The following ZNF407 variants were observed in gnomAD, a reference collection of about 807,000 sequenced individuals.
The protein encoded by ZNF407 is zinc finger protein 407.
Under a neutral mutation model 131.2 loss-of-function variants are expected in ZNF407, and 17 were observed. The observed-to-expected ratio is 0.13, with a 90% CI of 0.09 to 0.19. The LOEUF is 0.19. ZNF407 is among the 10% of genes least tolerant of loss of function. The pLI is 1.00. For synonymous variants in ZNF407, 1,156 were observed against 1,062.0 expected (o/e 1.09, Z -1.72); for missense variants, 2,681 against 2,830.6 (o/e 0.95, Z 1.20).
At chr18:74,625,622 A>G (rs867482760) in intron 1 of ZNF407, among the ~76,000 whole-genome samples, 1 of 152,208 alleles carries the variant, frequency 6.6e-6, no homozygotes, top group African/African-American at 2.4e-5. Context: ...ATATAGACAT[A>G]TACAAAAGTT....
At chr18:74,731,775 G>C (rs1373742534) in intron 3 of ZNF407, among the ~76,000 whole-genome samples, 1 of 152,130 alleles carries the variant, frequency 6.6e-6, no homozygotes, top group Non-Finnish European at 1.5e-5. Context: ...AGGATCCCTG[G>C]GGTGGGGAGG....
At chr18:74,710,698 GC>G (rs1327494237) in intron 3 of ZNF407, among the ~76,000 whole-genome samples, 2 of 152,068 alleles carry the variant, frequency 1.3e-5, no homozygotes, top group Non-Finnish European at 2.9e-5. Context: ...TAATAAGAAT[GC>G]TTTTTTTTCT....
At chr18:74,685,736 T>G (rs568743599) in intron 3 of ZNF407, among the ~76,000 whole-genome samples, 5 of 152,278 alleles carry the variant, frequency 3.3e-5, no homozygotes, top group Non-Finnish European at 7.4e-5. Context: ...GTGCTCTCCA[T>G]CCATGTGGCT....
chr18:74,909,996 G>A (rs1258016969), intron 7 of ZNF407, among the ~76,000 whole-genome samples: 2 of 152,148 alleles, frequency 1.3e-5, no homozygotes, highest in African/African-American at 4.8e-5. Flanking sequence ...TAGAGTGATT[G>A]GTTATAATGT....
chr18:74,966,820 C>T (rs759315170), intron 8 of ZNF407, among the ~76,000 whole-genome samples: 37 of 151,972 alleles, frequency 2.4e-4, no homozygotes, highest in Non-Finnish European at 2.4e-4. Context: ...TTTTTGATGT[C>T]CTCTTCAATT....
intron 8 of ZNF407, among the ~76,000 whole-genome samples, chr18:75,035,017 G>T (rs1323516704): frequency 3.3e-5 from 5 of 152,216 alleles, no homozygotes; most frequent in Admixed American, 3.3e-4. Flanking sequence ...ACTCATGAAA[G>T]AAAGATGGAA....
At chr18:74,623,127 T>A (rs1983617421) in intron 1 of ZNF407, among the ~76,000 whole-genome samples, 1 of 93,590 alleles carries the variant, frequency 1.1e-5, no homozygotes, top group Non-Finnish European at 2.3e-5. Context: ...TCAGTGTGAC[T>A]GTGTGTGTGT....
At chr18:74,788,474 C>G (rs11661032) in intron 4 of ZNF407, among the ~76,000 whole-genome samples, 1 of 151,934 alleles carries the variant, frequency 6.6e-6, no homozygotes, top group Non-Finnish European at 1.5e-5. Flanking sequence ...ACGCTTGCTT[C>G]TAAAGTTTGC....
At chr18:74,962,711 C>T (rs997261213) in intron 8 of ZNF407, among the ~76,000 whole-genome samples, 6 of 152,222 alleles carry the variant, frequency 3.9e-5, no homozygotes, top group Admixed American at 2.0e-4. Context: ...GAAGCTGAGC[C>T]GCTCTGATTC....
At chr18:74,783,180 A>G (rs1458272368) in intron 4 of ZNF407, among the ~76,000 whole-genome samples, 4 of 152,140 alleles carry the variant, frequency 2.6e-5, no homozygotes, top group Non-Finnish European at 5.9e-5. Flanking sequence ...TTCCAGTTTT[A>G]TAGATCTAAG....
In ZNF407 at chr18:74,703,939, G is replaced by A. The variant is rs1435002750; in HGVS notation, c.4802+62817G>A. ...TTATAATATTTTTGTTGGACCACTG[G>A]AAGGATCTCTTTTTTTTTATTTTTT... On this transcript the variant is annotated intron_variant, in intron 3 of 8. Coordinates refer to ENST00000299687, the MANE Select transcript of ZNF407 (RefSeq NM_017757.3). The surrounding 1 kb of genome is among the most constrained non-coding windows in gnomAD (Gnocchi z 4.1). Among the ~76,000 whole-genome samples the A allele has an allele frequency of 6.6e-6, 1 of 151,370 alleles. No homozygotes were observed. The highest frequency in any genetic ancestry group is 1.5e-5 in the Non-Finnish European group (1 of 67,964).
At chr18:74,821,839 A>G (rs1302807471) in intron 4 of ZNF407, among the ~76,000 whole-genome samples, 3 of 152,148 alleles carry the variant, frequency 2.0e-5, no homozygotes, top group Non-Finnish European at 4.4e-5. Flanking sequence ...CCTTGAGGAA[A>G]TGCCACACTG....
chr18:74,913,858 A>G (rs1048263379), intron 7 of ZNF407, among the ~76,000 whole-genome samples: 1 of 152,158 alleles, frequency 6.6e-6, no homozygotes, highest in African/African-American at 2.4e-5. Flanking sequence ...GGAGTTCTAG[A>G]AGTACTTGTG....
chr18:74,897,399 C>T (rs1971466594), intron 7 of ZNF407, among the ~76,000 whole-genome samples: 1 of 152,164 alleles, frequency 6.6e-6, no homozygotes, highest in South Asian at 2.1e-4. Flanking sequence ...TCATTTTGAA[C>T]ACAAAGTGAC....
chr18:74,801,628 A>G (rs1970020963), intron 4 of ZNF407, among the ~76,000 whole-genome samples: 1 of 152,190 alleles, frequency 6.6e-6, no homozygotes, highest in Non-Finnish European at 1.5e-5. Flanking sequence ...TATTGTTTTG[A>G]TCAGAATTTC....
At chr18:74,765,939 A>G (rs1248261617) in intron 3 of ZNF407, among the ~76,000 whole-genome samples, 2 of 151,610 alleles carry the variant, frequency 1.3e-5, no homozygotes, top group Non-Finnish European at 2.9e-5. Flanking sequence ...TGATTACTCT[A>G]TCTTCTAAAC....
intron 3 of ZNF407, among the ~76,000 whole-genome samples, chr18:74,736,272 A>G (rs1033907348): frequency 1.3e-5 from 2 of 152,126 alleles, no homozygotes; most frequent in African/African-American, 4.8e-5. Context: ...ATAGCAAAAT[A>G]TTTTAGGTAG....
rs1008835564 is a variant in ZNF407 at position 74,844,783 on chromosome 18, C to G, written c.4878-32414C>G. On this transcript the variant is annotated intron_variant, in intron 4 of 8. Coordinates refer to ENST00000299687, the MANE Select transcript of ZNF407 (RefSeq NM_017757.3). ...TTTTTAAGGTCCTGTCCTAGGGAAT[C>G]TGATGGGGCCCAGAGGGAGTGCCAT... Among the ~76,000 whole-genome samples, 37 of 152,230 alleles carry G rather than the reference C, an allele frequency of 2.4e-4. 1 individual carries two copies. Among genetic ancestry groups the G allele is most frequent in the African/African-American group, 8.7e-4 (36 of 41,542 alleles).
intron 8 of ZNF407, among the ~76,000 whole-genome samples, chr18:74,962,216 CTTTCT>C (rs1307643547): frequency 6.6e-6 from 1 of 152,142 alleles, no homozygotes; most frequent in African/African-American, 2.4e-5. Context: ...AACACAGAAA[CTTTCT>C]TTTGAGTGTT....
Sources: gnomAD v4.1 joint callset for allele counts (sites outside exome capture counted in the v4.1 genomes callset) on GRCh38, gnomAD v4.1.1 for gene constraint, Gnocchi (gnomAD v3.1) non-coding constraint, MANE v1.5 for transcripts, NCBI Gene and HGNC (gene_info 2026-07-23, HGNC 2026-07-21) for gene names.